MAST4: variants seen among roughly 807,000 people sequenced by gnomAD.
MAST4 encodes the protein microtubule-associated serine/threonine-protein kinase 4.
Under a neutral mutation model 162.7 loss-of-function variants are expected in MAST4, and 89 were observed. The ratio of observed to expected loss-of-function variants is 0.55; its 90% CI spans 0.46 to 0.65. The LOEUF is 0.65. MAST4 is among the 30% of genes least tolerant of loss of function. The pLI, the probability that MAST4 is intolerant of heterozygous loss-of-function variation, is 0.00. For missense variants in MAST4, 3,153 were observed against 3,374.0 expected, an observed-to-expected ratio of 0.93 and a Z score of 1.62; for synonymous variants, 1,479 against 1,361.1, an observed-to-expected ratio of 1.09 and a Z score of -1.91.
intron 2 of MAST4, among the ~76,000 whole-genome samples, chr5:66,761,492 A>C (rs959882463): frequency 2.5e-4 from 38 of 151,954 alleles, no homozygotes; most frequent in African/African-American, 7.5e-4. Context: ...CCCCAAACAG[A>C]GTTTTCTTTC....
chr5:66,706,326 G>GTGTCACAAA (rs1750123376), intron 1 of MAST4, among the ~76,000 whole-genome samples: 1 of 152,150 alleles, frequency 6.6e-6, no homozygotes, highest in South Asian at 2.1e-4. Flanking sequence ...GATTCAGTAA[G>GTGTCACAAA]TGTCACAAAA....
intron 3 of MAST4, among the ~76,000 whole-genome samples, chr5:66,828,568 G>A (rs1399706532): frequency 1.3e-5 from 2 of 152,174 alleles, no homozygotes; most frequent in Admixed American, 1.3e-4. Context: ...AGGATCTCAC[G>A]ATTTCCTGTC....
At chr5:66,641,219 C>A (rs1259239150) in intron 1 of MAST4, among the ~76,000 whole-genome samples, 1 of 152,118 alleles carries the variant, frequency 6.6e-6, no homozygotes, top group African/African-American at 2.4e-5. Context: ...GTGGTATGAT[C>A]TCGGCTCATT....
At chr5:66,649,411 A>C (rs1340046144) in intron 1 of MAST4, among the ~76,000 whole-genome samples, 1 of 152,092 alleles carries the variant, frequency 6.6e-6, no homozygotes, top group Non-Finnish European at 1.5e-5. Context: ...AGTGGCCTCC[A>C]CTTGATGTAG....
At chr5:66,726,914 T>C (rs1179040277) in intron 1 of MAST4, among the ~76,000 whole-genome samples, 1 of 152,160 alleles carries the variant, frequency 6.6e-6, no homozygotes, top group Non-Finnish European at 1.5e-5. Flanking sequence ...GGTTGGGGAC[T>C]GTTGAAATAG....
intron 4 of MAST4, among the ~76,000 whole-genome samples, chr5:66,925,166 C>G (rs1764806283): frequency 1.3e-5 from 2 of 152,134 alleles, no homozygotes; most frequent in African/African-American, 2.4e-5. Flanking sequence ...GAAGTACTTT[C>G]TGCACAGACC....
At chr5:67,133,995 C>T (rs980930326) in intron 17 of MAST4, among the ~76,000 whole-genome samples, 4 of 152,110 alleles carry the variant, frequency 2.6e-5, no homozygotes, top group African/African-American at 7.2e-5. Context: ...TGTACCATCA[C>T]GGGTGCTAAA....
chr5:66,995,995 T>A (rs943427190), intron 4 of MAST4, among the ~76,000 whole-genome samples: 2 of 151,716 alleles, frequency 1.3e-5, no homozygotes, highest in African/African-American at 4.8e-5. Context: ...AATACTTTGT[T>A]GGCCAGGCAT....
chr5:67,090,822 G>A (rs1385533062), intron 6 of MAST4, among the ~76,000 whole-genome samples: 2 of 151,620 alleles, frequency 1.3e-5, no homozygotes, highest in Admixed American at 1.3e-4. Flanking sequence ...CTATGACGTA[G>A]CCAAGTCAGA....
rs752796951 is a variant in MAST4, at chr5:66,845,085, TTATATATATATATATATATATATA to T, written c.643-54847_643-54824del. Among the ~76,000 whole-genome samples the T allele has an allele frequency of 8.1e-4, 47 of 57,976 alleles. 2 individuals are homozygous for T. The East Asian group carries it at 0.028, about 34-fold the overall frequency. 38.0% of individuals were successfully genotyped at this position (57,976 alleles called of 152,430 possible). A position where few individuals can be genotyped will look rare whatever the true frequency, so the allele number is the denominator to read the frequency against. ...ACTGACCCATTAAGGTCACTAATCT[TTATATATATATATATATATATATA>T]TATATATATATATATATACACACAC... On this transcript the variant is annotated intron_variant, in intron 3 of 28. Transcript: ENST00000403625.
chr5:66,931,801 C>T lies in MAST4; in HGVS notation c.674+31819C>T, dbSNP rs912797134. Among the ~76,000 whole-genome samples the T allele has an allele frequency of 2.6e-5, 4 of 152,054 alleles. No individual in the cohort carries two copies. In the South Asian group the frequency reaches 8.3e-4, roughly 32 times the overall value. ...AGGAAATAGCATCCAGTTTCCCCAG[C>T]GCAGGACTATAATAGTTTCCTACTG... On this transcript the variant is annotated intron_variant, in intron 4 of 28. Coordinates refer to ENST00000403625, the MANE Select transcript of MAST4 (RefSeq NM_001164664.2).
intron 1 of MAST4, among the ~76,000 whole-genome samples, chr5:66,698,722 G>C (rs1364889082): frequency 6.6e-6 from 1 of 152,090 alleles, no homozygotes; most frequent in African/African-American, 2.4e-5. Flanking sequence ...TAGCATAACA[G>C]AGCTTTTGCT....
At chr5:66,602,451 C>A (rs1040785528) in intron 1 of MAST4, among the ~76,000 whole-genome samples, 17 of 151,952 alleles carry the variant, frequency 1.1e-4, no homozygotes, top group Admixed American at 1.1e-3. Context: ...TGTTTTAGAG[C>A]CTGTGACAAA....
At chr5:66,986,890 G>T (rs1478518067) in intron 4 of MAST4, among the ~76,000 whole-genome samples, 1 of 151,946 alleles carries the variant, frequency 6.6e-6, no homozygotes, top group Non-Finnish European at 1.5e-5. Flanking sequence ...AGGATTATAG[G>T]CATAAGCCAC....
At chr5:67,102,145 G>A (rs536260897) in intron 8 of MAST4, among the ~76,000 whole-genome samples, 24 of 152,086 alleles carry the variant, frequency 1.6e-4, no homozygotes, top group Admixed American at 9.2e-4. Flanking sequence ...TGTTAAATGT[G>A]TCCTAGATGT....
intron 2 of MAST4, among the ~76,000 whole-genome samples, chr5:66,774,704 T>C: frequency 6.6e-6 from 1 of 152,252 alleles, no homozygotes; most frequent in East Asian, 1.9e-4. Context: ...CATTCTAATA[T>C]GATTGCCAGA....
chr5:66,780,396 GTTA>G (rs1358832333), intron 2 of MAST4, among the ~76,000 whole-genome samples: 2 of 152,206 alleles, frequency 1.3e-5, no homozygotes, highest in Admixed American at 1.3e-4. Context: ...CGCAGTGAGT[GTTA>G]CAGTTTTTAA....
chr5:66,719,317 C>T (rs766224665), intron 1 of MAST4, among the ~76,000 whole-genome samples: 2 of 151,928 alleles, frequency 1.3e-5, no homozygotes, highest in Admixed American at 6.6e-5. Flanking sequence ...TTTTCCCTTA[C>T]GAATCTTCTT....
chr5:66,669,682 C>T (rs1257939385), intron 1 of MAST4, among the ~76,000 whole-genome samples: 3 of 152,126 alleles, frequency 2.0e-5, no homozygotes, highest in Admixed American at 6.5e-5. Flanking sequence ...GTGCTGCTTG[C>T]AGTGCCTGCA....
Sources: gnomAD v4.1 joint callset for allele counts (sites outside exome capture counted in the v4.1 genomes callset) on GRCh38, gnomAD v4.1.1 for gene constraint, MANE v1.5 for transcripts, NCBI Gene and HGNC (gene_info 2026-07-23, HGNC 2026-07-21) for gene names.